The following TPTE2 variants were observed in gnomAD, a reference collection of about 807,000 sequenced individuals.
The protein encoded by TPTE2 is phosphatidylinositol 3,4,5-trisphosphate 3-phosphatase TPTE2.
TPTE2 carries 53 observed loss-of-function variants against 78.6 expected under a neutral mutation model. That is an observed-to-expected ratio of 0.67 (90% CI 0.54 to 0.85). The LOEUF is 0.85. Ranked by LOEUF, TPTE2 falls within the 40% of genes least tolerant of loss-of-function variation. The pLI is 0.00. For missense variants in TPTE2, 461 were observed against 623.0 expected (o/e 0.74, Z 2.77); for synonymous variants, 175 against 206.2 (o/e 0.85, Z 1.30).
intron 3 of TPTE2, among the ~76,000 whole-genome samples, chr13:19,487,660 G>A (rs966269626): frequency 4.6e-5 from 7 of 152,086 alleles, no homozygotes; most frequent in African/African-American, 1.7e-4. Flanking sequence ...CACACAGCTG[G>A]GATTGTGGCT....
upstream of TPTE2, among the ~76,000 whole-genome samples, chr13:19,506,409 G>A (rs1869048346): frequency 6.6e-6 from 1 of 151,728 alleles, no homozygotes; most frequent in South Asian, 2.1e-4. Flanking sequence ...TCCTGACCTC[G>A]TGATCCGCCC....
chr13:19,489,982 T>TAAA (rs1213779219), intron 3 of TPTE2, among the ~76,000 whole-genome samples: 1 of 152,132 alleles, frequency 6.6e-6, no homozygotes, highest in Non-Finnish European at 1.5e-5. Context: ...TTATGTACAA[T>TAAA]TGCTCTACAT....
intron 1 of TPTE2, among the ~76,000 whole-genome samples, chr13:19,520,656 C>T (rs1454350249): frequency 6.6e-6 from 1 of 151,558 alleles, no homozygotes; most frequent in Non-Finnish European, 1.5e-5. Flanking sequence ...TTCAGTTTGC[C>T]CTTCTTCTAG....
rs771790997 is a variant in TPTE2, at chr13:19,482,534, G to A, written c.133C>T (p.Leu45Phe). ...GCATCTTCAACTTCAAACTTGGAAA[G>A]TCGTTCTAACATACTTTAGCCACCA... is the stretch of plus-strand genomic sequence containing the variant. The change falls in exon 4 of 20, where the codon CTT (leucine) becomes TTT (phenylalanine). Residue 45 changes from leucine (L) to phenylalanine (F), a missense_variant. Leu to Phe is a conservative substitution (Grantham distance 22). Transcript: ENST00000400230. The A allele has an allele frequency of 9.3e-6, 15 of 1,612,156 alleles. No homozygotes were observed. The highest frequency in any genetic ancestry group is 1.3e-5 in the Non-Finnish European group (15 of 1,179,070).
At chr13:19,470,010 T>C (rs1020380485) in intron 6 of TPTE2, among the ~76,000 whole-genome samples, 4 of 152,176 alleles carry the variant, frequency 2.6e-5, no homozygotes. Flanking sequence ...ATTTCTTTTT[T>C]TATTCCCTTT....
At chr13:19,536,303 A>G (rs934127440) in intron 1 of TPTE2, among the ~76,000 whole-genome samples, 1 of 152,180 alleles carries the variant, frequency 6.6e-6, no homozygotes, top group Non-Finnish European at 1.5e-5. Flanking sequence ...TATGTATAAT[A>G]TAATGTATAA....
intron 10 of TPTE2, among the ~76,000 whole-genome samples, chr13:19,455,586 A>AAGGTG (rs1878492039): frequency 6.6e-6 from 1 of 151,662 alleles, no homozygotes; most frequent in Non-Finnish European, 1.5e-5. Context: ...CACCTAAGCT[A>AAGGTG]ATTGTAGACC....
At chr13:19,545,039 T>G in the TPTE2 span, among the ~76,000 whole-genome samples, 1 of 151,816 alleles carries the variant, frequency 6.6e-6, no homozygotes. Flanking sequence ...CTCTGCTCCC[T>G]TGTAACACCT....
At chr13:19,517,488 T>C (rs1217106261) in intron 1 of TPTE2, among the ~76,000 whole-genome samples, 1 of 152,110 alleles carries the variant, frequency 6.6e-6, no homozygotes, top group African/African-American at 2.4e-5. Flanking sequence ...TCCTTCCAGC[T>C]GGGTATAAGC....
chr13:19,462,855 CTTT>C (rs1879020334), intron 10 of TPTE2, among the ~76,000 whole-genome samples: 1 of 151,042 alleles, frequency 6.6e-6, no homozygotes, highest in South Asian at 2.1e-4. Context: ...AATATTCCCT[CTTT>C]TTGACTTTTG....
rs1169773670 is a variant in TPTE2 at position 19,470,767 on chromosome 13, C to A, written c.392+3147G>T. Reference sequence around the variant, plus strand: ...TCTTGAACTCCTGACCTCCAGTAAACCACCCGCCTCTGCCTCCCAAAGTGC... The same window carrying A: ...TCTTGAACTCCTGACCTCCAGTAAAACACCCGCCTCTGCCTCCCAAAGTGC... On this transcript the variant is annotated intron_variant, in intron 6 of 19. Transcript: ENST00000400230. 1.1e-4 allele frequency among the ~76,000 whole-genome samples: 17 copies of A among 151,644 alleles called. No homozygotes were observed. In the East Asian group the frequency reaches 2.9e-3, roughly 26 times the overall value.
chr13:19,560,421 C>G, the TPTE2 span: 1 of 1,609,168 alleles, frequency 6.2e-7, no homozygotes, highest in Middle Eastern at 2.1e-4. Context: ...GGACTAAGTC[C>G]TCAGCGAAGG....
At chr13:19,491,303 A>G (rs1234401149) in intron 3 of TPTE2, among the ~76,000 whole-genome samples, 1 of 152,230 alleles carries the variant, frequency 6.6e-6, no homozygotes, top group Non-Finnish European at 1.5e-5. Flanking sequence ...GTACATAGAC[A>G]TATAATGAAT....
At chr13:19,509,828 T>C (rs1214447922) in intron 1 of TPTE2, among the ~76,000 whole-genome samples, 1 of 152,134 alleles carries the variant, frequency 6.6e-6, no homozygotes, top group East Asian at 1.9e-4. Flanking sequence ...ATATATGTCA[T>C]TGATGATGAT....
In TPTE2 at chr13:19,467,349, A is replaced by AAT. The variant is rs765410775; in HGVS notation, c.393-7_393-6dup. 3 of 1,368,818 alleles carry AAT rather than the reference A, an allele frequency of 2.2e-6. No individual in the cohort carries two copies. Among genetic ancestry groups the AAT allele is most frequent in the East Asian group, 2.8e-5 (1 of 36,338 alleles). The allele number at this position is 1,368,818 out of a possible 1,614,324, so 84.8% of individuals were successfully genotyped here. ...TCAGAAAAATACTGCTGTCTCCTGT[A>AAT]ATATAAAAAAAAAAAAAAAAAAGTT... On this transcript the variant is annotated splice_region_variant and splice_polypyrimidine_tract_variant and intron_variant, in intron 6 of 19. Transcript: ENST00000400230.
At chr13:19,441,491 C>T (rs1877491526) in intron 13 of TPTE2, among the ~76,000 whole-genome samples, 1 of 152,022 alleles carries the variant, frequency 6.6e-6, no homozygotes, top group Non-Finnish European at 1.5e-5. Flanking sequence ...ATAAAAAATA[C>T]AAGAATCATC....
intron 4 of TPTE2, among the ~76,000 whole-genome samples, chr13:19,480,226 T>C (rs973218756): frequency 3.7e-4 from 56 of 152,266 alleles, no homozygotes; most frequent in African/African-American, 1.3e-3. Context: ...GTGGCCATGA[T>C]GTAAAGCATG....
exon 16 of TPTE2, chr13:19,432,555 T>G: frequency 6.2e-7 from 1 of 1,603,852 alleles, no homozygotes; most frequent in Non-Finnish European, 8.5e-7. Flanking sequence ...GTTTCACTTG[T>G]GCAAAATATC....
At chr13:19,496,690 C>A (rs1226244550) in intron 1 of TPTE2, among the ~76,000 whole-genome samples, 2 of 152,204 alleles carry the variant, frequency 1.3e-5, no homozygotes, top group Non-Finnish European at 2.9e-5. Flanking sequence ...GCTGCTATCT[C>A]CTCCATATTG....
Sources: gnomAD v4.1 joint callset for allele counts (sites outside exome capture counted in the v4.1 genomes callset) on GRCh38, gnomAD v4.1.1 for gene constraint, MANE v1.5 for transcripts, NCBI Gene and HGNC (gene_info 2026-07-23, HGNC 2026-07-21) for gene names.